The following XKR9 variants were observed in gnomAD, a reference collection of about 807,000 sequenced individuals.
The protein encoded by XKR9 is XK related 9, also known as XK-related protein 9.
In XKR9, 32 loss-of-function variants were observed where a neutral mutation model predicts 32.0. The observed-to-expected ratio is 1.00, with a 90% confidence interval of 0.76 to 1.34. The LOEUF (loss-of-function observed/expected upper bound fraction) is 1.34, where lower values mean the gene tolerates loss of function less well. Ranked by LOEUF, XKR9 falls within the 40% of genes most tolerant of loss-of-function variation. The pLI, the probability that XKR9 is intolerant of heterozygous loss-of-function variation, is 0.00. For synonymous variants in XKR9, 168 were observed against 143.4 expected (o/e 1.17, Z -1.22); for missense variants, 546 against 429.7 (o/e 1.27, Z -2.39).
the XKR9 span, among the ~76,000 whole-genome samples, chr8:70,996,005 A>AC: frequency 3.3e-5 from 5 of 151,882 alleles, no homozygotes; most frequent in Non-Finnish European, 5.9e-5. Flanking sequence ...ACTACCTTCT[A>AC]TTGTATGTAT....
chr8:71,030,076 AGCCAG>A, the XKR9 span, among the ~76,000 whole-genome samples: 23 of 152,102 alleles, frequency 1.5e-4, no homozygotes, highest in Admixed American at 1.3e-3. Flanking sequence ...ATAGGACCTA[AGCCAG>A]GAATCCCTCT....
At chr8:70,787,575 C>T (rs1563480735) in intron 2 of XKR9, among the ~76,000 whole-genome samples, 2 of 152,042 alleles carry the variant, frequency 1.3e-5, no homozygotes, top group South Asian at 4.1e-4. Flanking sequence ...AAATGAGAAG[C>T]AAGAAGATAA....
At chr8:70,990,438 C>T in the XKR9 span, among the ~76,000 whole-genome samples, 1 of 152,092 alleles carries the variant, frequency 6.6e-6, no homozygotes, top group Non-Finnish European at 1.5e-5. Flanking sequence ...TATTTTAATA[C>T]AATCCTACAA....
the XKR9 span, among the ~76,000 whole-genome samples, chr8:70,891,676 CAT>C: frequency 3.3e-5 from 5 of 151,996 alleles, no homozygotes; most frequent in African/African-American, 9.7e-5. Context: ...TGTGGCCTAA[CAT>C]GTGGTTTATA....
downstream of XKR9, among the ~76,000 whole-genome samples, chr8:70,739,852 G>C (rs1034836464): frequency 6.6e-6 from 1 of 152,118 alleles, no homozygotes; most frequent in Non-Finnish European, 1.5e-5. Context: ...TGGTCTGATG[G>C]GCTTCCCTTT....
chr8:70,969,329 C>G, the XKR9 span, among the ~76,000 whole-genome samples: 2 of 152,050 alleles, frequency 1.3e-5, no homozygotes, highest in Non-Finnish European at 2.9e-5. Context: ...TGTAATAAAA[C>G]CAGCCACACT....
At chr8:70,803,275 A>C in the XKR9 span, among the ~76,000 whole-genome samples, 1 of 152,108 alleles carries the variant, frequency 6.6e-6, no homozygotes, top group Non-Finnish European at 1.5e-5. Context: ...TCATGAAGAG[A>C]ATTTTTTTAG....
chr8:70,802,401 A>G, the XKR9 span, among the ~76,000 whole-genome samples: 2 of 152,186 alleles, frequency 1.3e-5, no homozygotes, highest in African/African-American at 4.8e-5. Flanking sequence ...TCCTGTAGAC[A>G]GCATACAATT....
chr8:71,044,264 G>A, the XKR9 span, among the ~76,000 whole-genome samples: 2 of 152,202 alleles, frequency 1.3e-5, no homozygotes, highest in South Asian at 2.1e-4. Context: ...TTGCTCTAGA[G>A]AGTGATTTCT....
intron 3 of XKR9, among the ~76,000 whole-genome samples, chr8:70,682,059 T>C (rs2132113048): frequency 6.6e-6 from 1 of 152,294 alleles, no homozygotes; most frequent in East Asian, 1.9e-4. Context: ...ATTTTGCCTT[T>C]TTGAAGCTAT....
chr8:70,938,837 A>C, the XKR9 span, among the ~76,000 whole-genome samples: 4 of 152,120 alleles, frequency 2.6e-5, no homozygotes, highest in Admixed American at 2.0e-4. Context: ...TCTCATCTCT[A>C]GTATCTCCAT....
At chr8:70,797,558 G>T in the XKR9 span, among the ~76,000 whole-genome samples, 1,078 of 150,156 alleles carry the variant, frequency 7.2e-3, 11 homozygotes, top group African/African-American at 0.025. Context: ...AATAACTGCA[G>T]ATTTTTTTTT....
the XKR9 span, among the ~76,000 whole-genome samples, chr8:70,814,515 C>T: frequency 6.6e-6 from 1 of 151,588 alleles, no homozygotes; most frequent in African/African-American, 2.4e-5. Context: ...TACATCATCT[C>T]AATAGACGTC....
the XKR9 span, among the ~76,000 whole-genome samples, chr8:71,036,000 AC>A: frequency 2.9e-3 from 442 of 151,988 alleles, 2 homozygotes; most frequent in Middle Eastern, 0.02. Context: ...ATTAGATCAT[AC>A]TCTTTTGTCT....
At chr8:70,922,388 A>T in the XKR9 span, among the ~76,000 whole-genome samples, 10 of 152,226 alleles carry the variant, frequency 6.6e-5, no homozygotes, top group Non-Finnish European at 1.0e-4. Flanking sequence ...ATCTTAGATA[A>T]TGGGTCACTA....
chr8:70,948,047 T>C, the XKR9 span, among the ~76,000 whole-genome samples: 392 of 152,270 alleles, frequency 2.6e-3, 1 homozygote, highest in Non-Finnish European at 4.2e-3. Context: ...TAGGAACAAA[T>C]AATGAGCCAG....
the XKR9 span, among the ~76,000 whole-genome samples, chr8:70,920,821 T>C: frequency 6.6e-6 from 1 of 152,232 alleles, no homozygotes; most frequent in African/African-American, 2.4e-5. Flanking sequence ...CATTTTGTTA[T>C]GAGGAGATCC....
chr8:70,754,591 C>T (rs1454260591), intron 2 of XKR9, among the ~76,000 whole-genome samples: 1 of 150,854 alleles, frequency 6.6e-6, no homozygotes, highest in Admixed American at 6.7e-5. Flanking sequence ...CAGAACAGAG[C>T]CCTCAGAAAT....
At chr8:70,955,644 G>T in the XKR9 span, among the ~76,000 whole-genome samples, 438 of 152,322 alleles carry the variant, frequency 2.9e-3, 1 homozygote, top group Non-Finnish European at 5.2e-3. Context: ...TGGCCCCTTT[G>T]CCTGAGTTTT....
Sources: allele counts gnomAD v4.1 joint callset (sites outside exome capture counted in the v4.1 genomes callset), GRCh38; gene constraint gnomAD v4.1.1; transcripts MANE v1.5; gene names NCBI Gene and HGNC (gene_info 2026-07-23, HGNC 2026-07-21).